CCDC171: variants seen among roughly 807,000 people sequenced by gnomAD.
CCDC171 encodes coiled-coil domain-containing protein 171.
CCDC171 carries 177 observed loss-of-function variants against 168.2 expected under a neutral mutation model. The observed-to-expected ratio is 1.05, with a 90% CI of 0.93 to 1.19. CCDC171 has a LOEUF of 1.19. CCDC171 is among the 50% of genes most tolerant of loss of function. The probability of loss-of-function intolerance (pLI) is 0.00; values close to 1 mark genes in which losing one functional copy is unlikely to be tolerated. For synonymous variants in CCDC171, 687 were observed against 540.8 expected, an observed-to-expected ratio of 1.27 and a Z score of -3.75; for missense variants, 1,991 against 1,539.0, an observed-to-expected ratio of 1.29 and a Z score of -4.91.
chr9:15,725,315 G>A (rs561896352), intron 14 of CCDC171, among the ~76,000 whole-genome samples: 19 of 152,270 alleles, frequency 1.2e-4, no homozygotes, highest in Non-Finnish European at 2.1e-4. Context: ...CAGTAGCTTG[G>A]TAGATTGATG....
the CCDC171 span, among the ~76,000 whole-genome samples, chr9:16,092,893 G>C: frequency 2.6e-5 from 4 of 152,192 alleles, no homozygotes; most frequent in African/African-American, 9.7e-5. Context: ...GCAGAGCCTC[G>C]TGCCCGGCTG....
At chr9:16,066,707 C>T in the CCDC171 span, among the ~76,000 whole-genome samples, 7 of 148,110 alleles carry the variant, frequency 4.7e-5, no homozygotes, top group Admixed American at 1.3e-4. Context: ...TGAGAATATG[C>T]GGTGTTTGGT....
At chr9:15,655,982 C>G (rs2047895087) in intron 7 of CCDC171, among the ~76,000 whole-genome samples, 1 of 152,102 alleles carries the variant, frequency 6.6e-6, no homozygotes, top group South Asian at 2.1e-4. Flanking sequence ...TGTTAGTAAT[C>G]TAAATTGGCA....
At chr9:15,930,836 C>T (rs544483347) in intron 25 of CCDC171, among the ~76,000 whole-genome samples, 4 of 151,696 alleles carry the variant, frequency 2.6e-5, no homozygotes, top group African/African-American at 9.6e-5. Flanking sequence ...TTTGAACTGA[C>T]ACATTATAAT....
At chr9:15,748,941 G>A (rs2055502084) in intron 18 of CCDC171, among the ~76,000 whole-genome samples, 1 of 152,144 alleles carries the variant, frequency 6.6e-6, no homozygotes. Flanking sequence ...ACATCATAAT[G>A]ACAGGATCAA....
chr9:15,554,432 C>G (rs1006737253), intron 1 of CCDC171, among the ~76,000 whole-genome samples: 3 of 152,130 alleles, frequency 2.0e-5, no homozygotes, highest in East Asian at 1.9e-4. Flanking sequence ...GTGCAACCTG[C>G]TAAGAGGAAA....
chr9:15,712,785 G>A (rs1027492010), intron 11 of CCDC171, among the ~76,000 whole-genome samples: 3 of 152,174 alleles, frequency 2.0e-5, no homozygotes, highest in Non-Finnish European at 4.4e-5. Flanking sequence ...GCACTCAACA[G>A]GAGTTGTAAC....
At chr9:16,072,160 A>G in the CCDC171 span, among the ~76,000 whole-genome samples, 1 of 152,236 alleles carries the variant, frequency 6.6e-6, no homozygotes. Context: ...TTTACAGATT[A>G]AACAGAAGTT....
In CCDC171 at chr9:15,775,476, G is replaced by A. The variant is rs191988254; in HGVS notation, c.2672-2124G>A. Among the ~76,000 whole-genome samples, 290 of 152,208 alleles carry A rather than the reference G, an allele frequency of 1.9e-3. 3 individuals carry two copies. The highest frequency in any genetic ancestry group is 3.4e-3 in the Non-Finnish European group (230 of 68,006). On this transcript the variant is annotated intron_variant, in intron 18 of 25. Transcript: ENST00000380701. The stretch of plus-strand genomic sequence containing the variant: ...TGGGATTACAGGCACGTGCCACCAC[G>A]CCCGGCTAATTTTTTGTATTTTTAG...
In CCDC171 at chr9:15,731,171, C is replaced by G. The variant is rs570828208; in HGVS notation, c.2049+1373C>G. Among the ~76,000 whole-genome samples the G allele has an allele frequency of 3.9e-5, 6 of 152,122 alleles. No individual in the cohort carries two copies. In the South Asian group the frequency reaches 1.2e-3, roughly 32 times the overall value. ...TTTTGAACACTAGACCTTATTCCTT[C>G]TATCTAACTGTATTATTGTACCCTT... On this transcript the variant is annotated intron_variant, in intron 16 of 25. Transcript: ENST00000380701.
At chr9:16,064,135 C>A (rs1342798923), downstream of CCDC171, among the ~76,000 whole-genome samples, 1 of 152,200 alleles carries the variant, frequency 6.6e-6, no homozygotes, top group African/African-American at 2.4e-5. Flanking sequence ...TAAATGTAAC[C>A]CGTTTTCAGA....
intron 20 of CCDC171, among the ~76,000 whole-genome samples, chr9:15,782,524 T>A (rs2057718572): frequency 6.6e-6 from 1 of 152,124 alleles, no homozygotes; most frequent in Admixed American, 6.6e-5. Context: ...GGAACACACG[T>A]TCTGTTAAAA....
intron 12 of CCDC171, among the ~76,000 whole-genome samples, chr9:15,722,819 AAAT>A (rs1393553336): frequency 6.6e-6 from 1 of 152,216 alleles, no homozygotes; most frequent in Non-Finnish European, 1.5e-5. Context: ...ATGACCATCG[AAAT>A]AATTAAATTT....
At chr9:16,100,003 TAA>T in the CCDC171 span, among the ~76,000 whole-genome samples, 4 of 145,632 alleles carry the variant, frequency 2.7e-5, no homozygotes, top group Non-Finnish European at 3.0e-5. Context: ...GCTTTCAAGT[TAA>T]AAAAAAAAAA....
intron 24 of CCDC171, among the ~76,000 whole-genome samples, chr9:15,907,652 A>T (rs553313953): frequency 2.6e-5 from 4 of 152,252 alleles, no homozygotes; most frequent in African/African-American, 7.2e-5. Context: ...GCCAAAATTG[A>T]CAGATGGGAT....
At chr9:15,658,995 A>G (rs1047738489) in intron 8 of CCDC171, among the ~76,000 whole-genome samples, 5 of 152,158 alleles carry the variant, frequency 3.3e-5, no homozygotes, top group African/African-American at 7.2e-5. Flanking sequence ...ATAGAAGAGA[A>G]CACCAAGGTT....
chr9:15,902,250 ATATATATATATG>A (rs60787630), intron 24 of CCDC171, among the ~76,000 whole-genome samples: 68,359 of 143,350 alleles, frequency 0.48, 16,692 homozygotes, highest in East Asian at 0.67. Context: ...AAATTCATAT[ATATATATATATG>A]TATATATATA....
chr9:15,663,608 CTTTT>C (rs56022914), intron 8 of CCDC171, among the ~76,000 whole-genome samples: 6 of 123,214 alleles, frequency 4.9e-5, no homozygotes, highest in Non-Finnish European at 1.8e-5. Flanking sequence ...CTTTTTTTTT[CTTTT>C]TTTTTTTTTT....
At chr9:15,736,781 T>G (rs1588207630) in intron 16 of CCDC171, among the ~76,000 whole-genome samples, 1 of 152,148 alleles carries the variant, frequency 6.6e-6, no homozygotes, top group Admixed American at 6.6e-5. Context: ...GCTCAGGTAA[T>G]CCTTCCACTT....
Sources: gnomAD v4.1 joint callset for allele counts (sites outside exome capture counted in the v4.1 genomes callset) on GRCh38, gnomAD v4.1.1 for gene constraint, MANE v1.5 for transcripts, NCBI Gene and HGNC (gene_info 2026-07-23, HGNC 2026-07-21) for gene names.